The following SLC34A1 variants were observed in gnomAD, a reference collection of about 807,000 sequenced individuals.
SLC34A1 encodes the protein solute carrier family 34 member 1.
In SLC34A1, 57 loss-of-function variants were observed where a neutral mutation model predicts 51.4. The ratio of observed to expected loss-of-function variants is 1.11; its 90% CI spans 0.90 to 1.38. SLC34A1 has a LOEUF of 1.38. Ranked by LOEUF, SLC34A1 falls within the 40% of genes most tolerant of loss-of-function variation. The pLI is 0.00. For synonymous variants in SLC34A1, 368 were observed against 358.0 expected, an observed-to-expected ratio of 1.03 and a Z score of -0.32; for missense variants, 796 against 835.6, an observed-to-expected ratio of 0.95 and a Z score of 0.58.
rs1453152213 is a variant in SLC34A1, at chr5:177,387,852, G to A, written c.623G>A (p.Gly208Glu). Residue 208 changes from glycine to glutamate, a missense_variant, in exon 6 of 13, where the codon GGG becomes GAG. By Grantham distance (98) the Gly-to-Glu change is moderately conservative. Coordinates refer to ENST00000324417, the MANE Select transcript of SLC34A1 (RefSeq NM_003052.5). ...ACCATCGTGGCCCTGATGCAGGCGG[G>A]GGACAGGACTGACTTCCGGCGGTGA... ...TNTIVALMQA[G>E]DRTDFRRAFA... The A allele has an allele frequency of 1.2e-6, 2 of 1,613,516 alleles. No homozygotes were observed. The highest frequency in any genetic ancestry group is 2.2e-5 in the East Asian group (1 of 44,864).
At chr5:177,391,371 G>C (rs913658331) in intron 8 of SLC34A1, among the ~76,000 whole-genome samples, 1 of 152,178 alleles carries the variant, frequency 6.6e-6, no homozygotes, top group African/African-American at 2.4e-5. Context: ...AAAACCCAGA[G>C]GGCTTGGCCC....
rs1762667873 is a variant in SLC34A1 at position 177,388,141 on chromosome 5, T to C, written c.792T>C (p.Pro264=). 2 of 1,614,152 alleles carry C rather than the reference T, an allele frequency of 1.2e-6. No individual in the cohort carries two copies. Among genetic ancestry groups the C allele is most frequent in the African/African-American group, 1.3e-5 (1 of 75,048 alleles). Residue 264 remains proline (P), a synonymous_variant, in exon 7 of 13, where the codon CCT becomes CCC. Transcript: ENST00000324417. This position sits in a 1 kb window ranked among gnomAD's most constrained non-coding sequence, Gnocchi z 4.3. ...SFNIHGGRDA[P]DLLKIITEPF... is the part of the protein sequence containing the mutation. Reference sequence around the variant, plus strand: ...ACATCCATGGTGGCCGTGATGCTCCTGACCTGCTCAAGATCATCACAGAGC... The same window carrying C: ...ACATCCATGGTGGCCGTGATGCTCCCGACCTGCTCAAGATCATCACAGAGC...
At chr5:177,394,397 T>G (rs1389824027) in intron 10 of SLC34A1, among the ~76,000 whole-genome samples, 1 of 152,218 alleles carries the variant, frequency 6.6e-6, no homozygotes, top group Non-Finnish European at 1.5e-5. Flanking sequence ...GGTTCCATTT[T>G]AGCAGGTGGA....
chr5:177,385,643 C>T (rs1017906554), intron 1 of SLC34A1, 52 bp from the exon 2 acceptor site: 6 of 838,230 alleles, frequency 7.2e-6, no homozygotes, highest in Admixed American at 2.0e-5. Flanking sequence ...GGGGTTTGTG[C>T]AGGTGAGGGT....
rs1322579375 is a variant in SLC34A1 at position 177,386,426 on chromosome 5, A to G, written c.392A>G (p.Lys131Arg). ...AACGCTGGCTCATGCTCCCCAGGGA[A>G]GGTGGCTGGTGACATCTTCAAGGAT... ...LSSAFQLAGG[K>R]VAGDIFKDNA... is the part of the protein sequence containing the mutation. The change falls in exon 5 of 13, where the codon AAG becomes AGG. Residue 131 changes from lysine (K) to arginine (R), a missense_variant. Lys to Arg is a conservative substitution (Grantham distance 26, BLOSUM62 2). Coordinates refer to ENST00000324417, the MANE Select transcript of SLC34A1 (RefSeq NM_003052.5). The surrounding 1 kb of genome is among the most constrained non-coding windows in gnomAD (Gnocchi z 4.8). The G allele has an allele frequency of 6.2e-7, 1 of 1,614,108 alleles. No individual in the cohort carries two copies. The highest frequency in any genetic ancestry group is 2.2e-5 in the East Asian group (1 of 44,896).
Position 177,386,797 on chromosome 5 carries a change from G to A in SLC34A1, c.532+231G>A, listed in dbSNP as rs1561627439. Among the ~76,000 whole-genome samples the A allele has an allele frequency of 6.6e-6, 1 of 152,136 alleles. No homozygotes were observed. The highest frequency in any genetic ancestry group is 1.5e-5 in the Non-Finnish European group (1 of 68,022). ...TGTCTGGGCAAGTCAGGAATCCGTAGGCCAGGGCATTGGAAGGGCAGGCGG... is the reference window on the plus strand; with the variant it reads ...TGTCTGGGCAAGTCAGGAATCCGTAAGCCAGGGCATTGGAAGGGCAGGCGG... On this transcript the variant is annotated intron_variant, in intron 5 of 12. Coordinates refer to ENST00000324417, the MANE Select transcript of SLC34A1 (RefSeq NM_003052.5). The surrounding 1 kb of genome is among the most constrained non-coding windows in gnomAD (Gnocchi z 4.8).
Position 177,396,506 on chromosome 5 carries a change from C to T in SLC34A1, c.1175-227C>T, listed in dbSNP as rs1388075714. ...GAGGTCCTCTCTCCCAGTGCCCCCG[C>T]GGAGGTCCTCTCTCCCAGTGCCCCC... On this transcript the variant is annotated intron_variant, in intron 10 of 12. Coordinates refer to ENST00000324417, the MANE Select transcript of SLC34A1 (RefSeq NM_003052.5). This position sits in a 1 kb window ranked among gnomAD's most constrained non-coding sequence, Gnocchi z 4.0. Among the ~76,000 whole-genome samples the T allele has an allele frequency of 2.4e-5, 3 of 125,388 alleles. No individual in the cohort carries two copies. The highest frequency in any genetic ancestry group is 7.9e-5 in the African/African-American group (3 of 37,838). 82.3% of individuals were successfully genotyped at this position (125,388 alleles called of 152,430 possible).
rs1762949659 is a variant in SLC34A1, at chr5:177,396,246, G to A, written c.1175-487G>A. Among the ~76,000 whole-genome samples, 2 of 152,306 alleles carry A rather than the reference G, an allele frequency of 1.3e-5. No homozygotes were observed. The highest frequency in any genetic ancestry group is 4.1e-4 in the South Asian group (2 of 4,822). On this transcript the variant is annotated intron_variant, in intron 10 of 12. Transcript: ENST00000324417. This position sits in a 1 kb window ranked among gnomAD's most constrained non-coding sequence, Gnocchi z 4.0. ...GAAGTGACATCCATGCTGAGTCTGA[G>A]GATGAATATTCAGATGCTGAGTAGG...
Position 177,385,828 on chromosome 5 carries a change from T to G in SLC34A1, c.87T>G (p.Phe29Leu), listed in dbSNP as rs749116383. ...RGGHVMRGTA[F>L]AYVPSPQVLH... The stretch of plus-strand genomic sequence containing the variant: ...GGCATGTGATGCGAGGGACGGCCTT[T>G]GCCTACGTGCCCAGCCCTCAGGGTA... Residue 29 changes from phenylalanine (F) to leucine (L), a missense_variant, in exon 2 of 13, where the codon TTT (phenylalanine) becomes TTG (leucine). Physicochemically the swap from Phe to Leu is conservative, Grantham distance 22. Transcript: ENST00000324417. 6.2e-7 allele frequency: 1 copy of G among 1,613,566 alleles called. No individual in the cohort carries two copies. The highest frequency in any genetic ancestry group is 8.5e-7 in the Non-Finnish European group (1 of 1,179,894).
Position 177,387,988 on chromosome 5 carries a change from G to C in SLC34A1, c.645-6G>C. ...GCCTGCCTTGCAATGTGGCCTCCCT[G>C]CCCAGGGCCTTCGCGGGGGCCACGG... On this transcript the variant is annotated splice_region_variant and splice_polypyrimidine_tract_variant and intron_variant, in intron 6 of 12. Coordinates refer to ENST00000324417, the MANE Select transcript of SLC34A1 (RefSeq NM_003052.5). The C allele has an allele frequency of 6.2e-7, 1 of 1,612,562 alleles. No individual in the cohort carries two copies. The highest frequency in any genetic ancestry group is 1.1e-5 in the South Asian group (1 of 91,060).
chr5:177,396,649 C>G lies in SLC34A1; in HGVS notation c.1175-84C>G. ...CTCTCCCAGTGCCCCCGCGGAGGTC[C>G]GCTCTCCCAGTGCCCCCGCGGAGGT... On this transcript the variant is annotated intron_variant, in intron 10 of 12. Coordinates refer to ENST00000324417, the MANE Select transcript of SLC34A1 (RefSeq NM_003052.5). This position sits in a 1 kb window ranked among gnomAD's most constrained non-coding sequence, Gnocchi z 4.0. 2 of 1,132,302 alleles carry G rather than the reference C, an allele frequency of 1.8e-6. No individual in the cohort carries two copies. Among genetic ancestry groups the G allele is most frequent in the Non-Finnish European group, 2.7e-6 (2 of 745,458 alleles). 70.1% of individuals were successfully genotyped at this position (1,132,302 alleles called of 1,614,324 possible).
chr5:177,389,629 T>C, intron 8 of SLC34A1: 2 of 1,537,254 alleles, frequency 1.3e-6, no homozygotes, highest in Non-Finnish European at 1.7e-6. Context: ...CAAGCCTCTC[T>C]ACTTCATAGC....
At position 177,396,830 on chromosome 5, in the gene SLC34A1, G is replaced by C; in HGVS notation, c.1272G>C (p.Ser424=). 3.1e-6 allele frequency: 5 copies of C among 1,614,214 alleles called. No individual in the cohort carries two copies. The highest frequency in any genetic ancestry group is 4.2e-6 in the Non-Finnish European group (5 of 1,180,042). Residue 424 remains serine, a synonymous_variant, in exon 11 of 13, where the codon TCG becomes TCC. Coordinates refer to ENST00000324417, the MANE Select transcript of SLC34A1 (RefSeq NM_003052.5). The surrounding 1 kb of genome is among the most constrained non-coding windows in gnomAD (Gnocchi z 4.0). ...TCCAGAGCAGTTCTGTGTTCACCTC[G>C]GCCATCACCCCACTCATCGGTGAGT... ...FVVQSSSVFT[S]AITPLIGLGV...
Position 177,386,291 on chromosome 5 carries a change from C to T in SLC34A1, c.330C>T (p.Phe110=). 1 of 1,614,266 alleles carries T rather than the reference C, an allele frequency of 6.2e-7. No individual in the cohort carries two copies. Among genetic ancestry groups the T allele is most frequent in the Non-Finnish European group, 8.5e-7 (1 of 1,180,044 alleles). Residue 110 remains phenylalanine, a synonymous_variant, in exon 4 of 13, where the codon TTC becomes TTT. Transcript: ENST00000324417. The surrounding 1 kb of genome is among the most constrained non-coding windows in gnomAD (Gnocchi z 4.8). ...TCAAGGTGCCACTGATGCTCACCTTCCTCTACCTCTTCGTCTGCTCCCTGG... is the reference window on the plus strand; with the variant it reads ...TCAAGGTGCCACTGATGCTCACCTTTCTCTACCTCTTCGTCTGCTCCCTGG... ...MLLKVPLMLT[F]LYLFVCSLDM...
At chr5:177,390,742 C>T (rs1762774538) in intron 8 of SLC34A1, among the ~76,000 whole-genome samples, 1 of 152,032 alleles carries the variant, frequency 6.6e-6, no homozygotes, top group Non-Finnish European at 1.5e-5. Context: ...TAGAGCTCCC[C>T]TTCCTCTGAG....
chr5:177,389,185 C>T (rs1384711586), intron 8 of SLC34A1, among the ~76,000 whole-genome samples: 1 of 152,164 alleles, frequency 6.6e-6, no homozygotes, highest in Non-Finnish European at 1.5e-5. Context: ...AGGAAGCAGG[C>T]AATTAGCACA....
chr5:177,388,276 G>A lies in SLC34A1; in HGVS notation c.841-1G>A. On this transcript the variant is annotated splice_acceptor_variant, in intron 7 of 12. Coordinates refer to ENST00000324417, the MANE Select transcript of SLC34A1 (RefSeq NM_003052.5). LOFTEE classifies it high-confidence loss of function. The surrounding 1 kb of genome is among the most constrained non-coding windows in gnomAD (Gnocchi z 4.3). The stretch of plus-strand genomic sequence containing the variant: ...TCCCCCTGCCCACATCTTGCCCACA[G>A]CTGGACGAGTCTGTGATAACCAGCA... The A allele has an allele frequency of 1.9e-6, 3 of 1,614,184 alleles. No individual in the cohort carries two copies. The highest frequency in any genetic ancestry group is 1.7e-6 in the Non-Finnish European group (2 of 1,180,034).
intron 1 of SLC34A1, 92 bp from the exon 2 acceptor site, chr5:177,385,603 C>T (rs554503553): frequency 7.2e-5 from 51 of 711,328 alleles, no homozygotes; most frequent in Admixed American, 5.4e-4. Flanking sequence ...GTGTGCTTTG[C>T]TAGGTGTGTA....
At position 177,397,777 on chromosome 5, in the gene SLC34A1, C is replaced by T. The variant is rs1162391845; in HGVS notation, c.1417-6C>T. On this transcript the variant is annotated splice_polypyrimidine_tract_variant and splice_region_variant and intron_variant, in intron 12 of 12. Transcript: ENST00000324417. ...CATCTCAGCCCCTCTGCCTCATCCC[C>T]TGCAGATTGCCCTCTGTCACTTCTT... The T allele has an allele frequency of 3.1e-6, 5 of 1,607,630 alleles. No individual in the cohort carries two copies. The highest frequency in any genetic ancestry group is 4.5e-5 in the East Asian group (2 of 44,876).
Sources: allele counts gnomAD v4.1 joint callset (sites outside exome capture counted in the v4.1 genomes callset), GRCh38; gene constraint gnomAD v4.1.1; non-coding constraint Gnocchi (gnomAD v3.1); transcripts MANE v1.5; gene names NCBI Gene and HGNC (gene_info 2026-07-23, HGNC 2026-07-21).